The following FAF1 variants were observed in gnomAD, a reference collection of about 807,000 sequenced individuals.
FAF1 encodes the protein FAS-associated factor 1.
Under a neutral mutation model 92.5 loss-of-function variants are expected in FAF1, and 25 were observed. That is an observed-to-expected ratio of 0.27 (90% CI 0.20 to 0.38). The LOEUF (loss-of-function observed/expected upper bound fraction) is 0.38, where lower values mean the gene tolerates loss of function less well. Among genes scored for constraint, FAF1 ranks in the 10% least tolerant of loss-of-function variants. The probability of loss-of-function intolerance (pLI) is 1.00; values close to 1 mark genes in which losing one functional copy is unlikely to be tolerated. For missense variants in FAF1, 636 were observed against 793.3 expected, an observed-to-expected ratio of 0.80 and a Z score of 2.38; for synonymous variants, 234 against 273.2, an observed-to-expected ratio of 0.86 and a Z score of 1.42.
chr1:50,494,356 C>T (rs1259140878), intron 15 of FAF1, among the ~76,000 whole-genome samples: 2 of 152,130 alleles, frequency 1.3e-5, no homozygotes, highest in African/African-American at 4.8e-5. Flanking sequence ...GTAGATGTGC[C>T]TCTGGAACTT....
At chr1:50,866,937 T>C (rs899945187) in intron 1 of FAF1, among the ~76,000 whole-genome samples, 1 of 152,066 alleles carries the variant, frequency 6.6e-6, no homozygotes, top group Non-Finnish European at 1.5e-5. Context: ...AACTTCAAAC[T>C]ATACTACAAG....
chr1:50,959,668 A>G, intron 1 of FAF1, 99 bp downstream of exon 1: 1 of 1,018,392 alleles, frequency 9.8e-7, no homozygotes, highest in Non-Finnish European at 1.5e-6. Context: ...CCTAAATGAC[A>G]CACCACTGCA....
At chr1:50,797,637 T>C (rs930753612) in intron 3 of FAF1, among the ~76,000 whole-genome samples, 11 of 152,204 alleles carry the variant, frequency 7.2e-5, no homozygotes, top group African/African-American at 2.4e-4. Context: ...AAGTCGAGGC[T>C]GCAGGAGGCT....
At chr1:50,820,923 C>T (rs578122172) in intron 2 of FAF1, among the ~76,000 whole-genome samples, 20 of 151,912 alleles carry the variant, frequency 1.3e-4, no homozygotes, top group Non-Finnish European at 2.2e-4. Context: ...AGGTTGTTTC[C>T]GTATGTTAGC....
At chr1:50,500,109 A>G (rs1253707446) in intron 15 of FAF1, among the ~76,000 whole-genome samples, 2 of 152,204 alleles carry the variant, frequency 1.3e-5, no homozygotes, top group Non-Finnish European at 2.9e-5. Context: ...CTACAGATTC[A>G]ACATAATTCC....
chr1:50,960,173 G>A lies in FAF1; in HGVS notation c.-362C>T, dbSNP rs924576318. On this transcript the variant is annotated 5_prime_UTR_variant, in exon 1 of 19. Coordinates refer to ENST00000396153, the MANE Select transcript of FAF1 (RefSeq NM_007051.3). ...CCTTCAGCGGCGTTAAGCCCGGCGG[G>A]GGCGGGGAAACCGAGCGAGCGAGCG... 6.4e-6 allele frequency: 2 copies of A among 313,736 alleles called. No individual in the cohort carries two copies. Among genetic ancestry groups the A allele is most frequent in the East Asian group, 8.9e-5 (2 of 22,462 alleles). The allele number at this position is 313,736 out of a possible 1,614,324, so 19.4% of individuals were successfully genotyped here.
intron 7 of FAF1, among the ~76,000 whole-genome samples, chr1:50,695,855 G>A (rs545348311): frequency 1.8e-4 from 28 of 151,864 alleles, no homozygotes; most frequent in East Asian, 1.6e-3. Flanking sequence ...TGCCATGTTG[G>A]CCAGGCTGGT....
At chr1:50,513,477 T>C (rs1242164869) in intron 15 of FAF1, among the ~76,000 whole-genome samples, 1 of 151,916 alleles carries the variant, frequency 6.6e-6, no homozygotes, top group Non-Finnish European at 1.5e-5. Context: ...GTGACCAGAG[T>C]GAGACTCTGT....
intron 2 of FAF1, among the ~76,000 whole-genome samples, chr1:50,836,170 G>GTTTTTTTGTTTTTTTTTTTTTTTT (rs1553144965): frequency 2.0e-5 from 2 of 98,526 alleles, no homozygotes; most frequent in Non-Finnish European, 4.0e-5. Context: ...TTTTGTTTCT[G>GTTTTTTTGTTTTTTTTTTTTTTTT]TTTTTTTTTT....
chr1:50,473,848 C>A (rs1036577657), intron 18 of FAF1, among the ~76,000 whole-genome samples: 2 of 152,090 alleles, frequency 1.3e-5, no homozygotes, highest in African/African-American at 4.8e-5. Context: ...AACCTGACAG[C>A]CAATGTGAGG....
intron 17 of FAF1, among the ~76,000 whole-genome samples, chr1:50,488,763 C>G (rs1000938442): frequency 2.0e-5 from 3 of 152,142 alleles, no homozygotes; most frequent in Admixed American, 6.5e-5. Flanking sequence ...GTTTTTTTCA[C>G]TTATAAAGAT....
At chr1:50,610,205 T>C (rs1450112924) in intron 8 of FAF1, among the ~76,000 whole-genome samples, 1 of 152,172 alleles carries the variant, frequency 6.6e-6, no homozygotes, top group African/African-American at 2.4e-5. Context: ...AATATATGTA[T>C]TACCTGTTTC....
chr1:50,465,489 G>A (rs1473582448), intron 18 of FAF1, among the ~76,000 whole-genome samples: 8 of 152,168 alleles, frequency 5.3e-5, no homozygotes, highest in South Asian at 2.1e-4. Context: ...TTTACTGAGC[G>A]TCAGTTAGGT....
chr1:50,704,977 A>G (rs1413889186), intron 7 of FAF1, among the ~76,000 whole-genome samples: 1 of 152,260 alleles, frequency 6.6e-6, no homozygotes, highest in Non-Finnish European at 1.5e-5. Context: ...TAAGAAAAAC[A>G]TTATAAAATA....
intron 15 of FAF1, among the ~76,000 whole-genome samples, chr1:50,533,045 G>T (rs1295160850): frequency 6.6e-6 from 1 of 151,542 alleles, no homozygotes; most frequent in African/African-American, 2.4e-5. Flanking sequence ...CAAACTCCTG[G>T]CCTTAAGCCA....
At chr1:50,523,685 T>C (rs1647629532) in intron 15 of FAF1, among the ~76,000 whole-genome samples, 1 of 152,206 alleles carries the variant, frequency 6.6e-6, no homozygotes, top group Non-Finnish European at 1.5e-5. Context: ...ATCAGATATA[T>C]GATTTGCAAA....
chr1:50,954,559 TTGA>T (rs1474499079), intron 1 of FAF1, among the ~76,000 whole-genome samples: 2 of 142,714 alleles, frequency 1.4e-5, no homozygotes, highest in African/African-American at 2.7e-5. Context: ...TTTTTTTTTT[TTGA>T]GAGAGTCTTA....
chr1:50,884,132 A>C (rs980400638), intron 1 of FAF1, among the ~76,000 whole-genome samples: 3 of 152,138 alleles, frequency 2.0e-5, no homozygotes, highest in Non-Finnish European at 4.4e-5. Context: ...TTAACAATGA[A>C]GTATAATGAT....
chr1:50,649,235 C>G (rs1187470911), intron 8 of FAF1, among the ~76,000 whole-genome samples: 1 of 151,870 alleles, frequency 6.6e-6, no homozygotes, highest in South Asian at 2.1e-4. Context: ...TCACTGCAAC[C>G]TCCGCCTTCC....
Sources: gnomAD v4.1 joint callset for allele counts (sites outside exome capture counted in the v4.1 genomes callset) on GRCh38, gnomAD v4.1.1 for gene constraint, MANE v1.5 for transcripts, NCBI Gene and HGNC (gene_info 2026-07-23, HGNC 2026-07-21) for gene names.